Variants in KHDRBS3 observed in about 807,000 individuals in gnomAD.
The protein encoded by KHDRBS3 is KH domain-containing, RNA-binding, signal transduction-associated protein 3.
A neutral mutation model predicts 45.6 loss-of-function variants in KHDRBS3; 23 were observed. That is an observed-to-expected ratio of 0.50 (90% CI 0.36 to 0.72). The LOEUF (loss-of-function observed/expected upper bound fraction) is 0.72. KHDRBS3 is among the 30% of genes least tolerant of loss of function. The pLI, the probability that KHDRBS3 is intolerant of heterozygous loss-of-function variation, is 0.00. For synonymous variants in KHDRBS3, 162 were observed against 156.5 expected (o/e 1.04, Z -0.26); for missense variants, 352 against 424.8 (o/e 0.83, Z 1.51).
chr8:135,611,324 G>A (rs898225484), intron 7 of KHDRBS3, among the ~76,000 whole-genome samples: 8 of 151,970 alleles, frequency 5.3e-5, no homozygotes, highest in South Asian at 4.1e-4. Flanking sequence ...GCTTCAGATC[G>A]TACAGTTTAC....
At chr8:135,493,456 TGAA>T (rs999705972) in intron 1 of KHDRBS3, among the ~76,000 whole-genome samples, 3 of 152,182 alleles carry the variant, frequency 2.0e-5, no homozygotes, top group African/African-American at 7.2e-5. Context: ...TTTATTAGGT[TGAA>T]GAAGTTTCTT....
In KHDRBS3 at chr8:135,601,320, C is replaced by T. The variant is rs537624474; in HGVS notation, c.808-5635C>T. ...AAGGTAGGTGAAGCAAAAAGCAAGG[C>T]ATATTGTATGCAGCCCAGTAATGGA... On this transcript the variant is annotated intron_variant, in intron 6 of 8. Transcript: ENST00000355849. 7.2e-5 allele frequency among the ~76,000 whole-genome samples: 11 copies of T among 152,302 alleles called. No homozygotes were observed. In the South Asian group the frequency reaches 2.3e-3, roughly 32 times the overall value.
chr8:135,515,724 C>G (rs1312801996), intron 1 of KHDRBS3, among the ~76,000 whole-genome samples: 1 of 152,202 alleles, frequency 6.6e-6, no homozygotes, highest in Non-Finnish European at 1.5e-5. Flanking sequence ...GTAGCCCCAT[C>G]AGGCTACCAT....
At chr8:135,546,563 A>T (rs1046131967) in intron 3 of KHDRBS3, among the ~76,000 whole-genome samples, 1 of 152,204 alleles carries the variant, frequency 6.6e-6, no homozygotes, top group South Asian at 2.1e-4. Context: ...AGAATAAATG[A>T]TAGTGATATA....
chr8:135,521,710 C>A (rs1824918467), intron 2 of KHDRBS3, among the ~76,000 whole-genome samples: 1 of 152,060 alleles, frequency 6.6e-6, no homozygotes, highest in Non-Finnish European at 1.5e-5. Flanking sequence ...TCAAAAATAT[C>A]ATTGTTTATG....
At position 135,492,549 on chromosome 8, in the gene KHDRBS3, T is replaced by C. The variant is rs989464483; in HGVS notation, c.89-28688T>C. Among the ~76,000 whole-genome samples the C allele has an allele frequency of 3.4e-5, 5 of 148,304 alleles. No homozygotes were observed. The South Asian group carries it at 6.3e-4, about 19-fold the overall frequency. ...TATATATATATTTCCTCTAAAACCA[T>C]TTGTTAAATGAATGTATTTTCTCCA... On this transcript the variant is annotated intron_variant, in intron 1 of 8. Transcript: ENST00000355849.
chr8:135,627,682 TTAACA>T (rs1348630794), intron 7 of KHDRBS3, among the ~76,000 whole-genome samples: 1 of 152,178 alleles, frequency 6.6e-6, no homozygotes. Flanking sequence ...TCAGTGAAAG[TTAACA>T]TACGTATACA....
At chr8:135,502,530 A>T (rs1360213997) in intron 1 of KHDRBS3, among the ~76,000 whole-genome samples, 1 of 152,172 alleles carries the variant, frequency 6.6e-6, no homozygotes, top group Non-Finnish European at 1.5e-5. Context: ...TACTTTTTAT[A>T]AAAGTGCTTA....
chr8:135,591,622 GA>G (rs1828748636), intron 6 of KHDRBS3, among the ~76,000 whole-genome samples: 1 of 152,146 alleles, frequency 6.6e-6, no homozygotes, highest in Non-Finnish European at 1.5e-5. Flanking sequence ...TTCTCTTTGT[GA>G]TAAGAATAAA....
At chr8:135,629,564 G>A (rs928526135) in intron 7 of KHDRBS3, among the ~76,000 whole-genome samples, 4 of 152,200 alleles carry the variant, frequency 2.6e-5, no homozygotes, top group Non-Finnish European at 5.9e-5. Context: ...AAAACTCAGA[G>A]AGCCTTTAAT....
At chr8:135,643,019 T>A (rs545056042) in intron 7 of KHDRBS3, among the ~76,000 whole-genome samples, 19 of 152,210 alleles carry the variant, frequency 1.2e-4, no homozygotes, top group African/African-American at 4.1e-4. Flanking sequence ...GGTCTCGATC[T>A]TCTGACCTCG....
intron 7 of KHDRBS3, among the ~76,000 whole-genome samples, chr8:135,642,466 A>G (rs1222930046): frequency 6.6e-6 from 1 of 152,176 alleles, no homozygotes; most frequent in Non-Finnish European, 1.5e-5. Context: ...TTTTTCTTCT[A>G]AATTTTTTTA....
In KHDRBS3 at chr8:135,494,272, TA is replaced by T. The variant is rs1422821033; in HGVS notation, c.89-26964del. Among the ~76,000 whole-genome samples the T allele has an allele frequency of 2.0e-3, 215 of 106,482 alleles. 1 individual carries two copies. Among genetic ancestry groups the T allele is most frequent in the African/African-American group, 6.6e-3 (188 of 28,484 alleles). 69.9% of individuals were successfully genotyped at this position (106,482 alleles called of 152,430 possible). A position where few individuals can be genotyped will look rare whatever the true frequency, so the allele number is the denominator to read the frequency against. On this transcript the variant is annotated intron_variant, in intron 1 of 8. Coordinates refer to ENST00000355849, the MANE Select transcript of KHDRBS3 (RefSeq NM_006558.3). ...TTATTTTTTCCTCTTCTGTTTCTCT[TA>T]TTTTTTTTTTTTTTTTTTTTTTTGA...
At chr8:135,532,548 G>A (rs1825531026) in intron 2 of KHDRBS3, among the ~76,000 whole-genome samples, 1 of 152,140 alleles carries the variant, frequency 6.6e-6, no homozygotes, top group African/African-American at 2.4e-5. Flanking sequence ...GTAGACTTCT[G>A]TTATGTGTGT....
At chr8:135,582,697 A>G (rs1178561760) in intron 6 of KHDRBS3, among the ~76,000 whole-genome samples, 1 of 152,244 alleles carries the variant, frequency 6.6e-6, no homozygotes, top group Non-Finnish European at 1.5e-5. Context: ...ATAAGAAGCA[A>G]TGGATAGGTG....
At chr8:135,556,888 A>G (rs1471148721) in intron 4 of KHDRBS3, among the ~76,000 whole-genome samples, 1 of 152,224 alleles carries the variant, frequency 6.6e-6, no homozygotes. Context: ...GAATAAGATT[A>G]TGTGTTCAAT....
chr8:135,495,851 G>A (rs553850333), intron 1 of KHDRBS3, among the ~76,000 whole-genome samples: 14 of 152,192 alleles, frequency 9.2e-5, no homozygotes, highest in African/African-American at 2.9e-4. Context: ...TGGCCTCTCT[G>A]GAGGTAATTA....
At chr8:135,563,812 G>A (rs1827277968) in intron 5 of KHDRBS3, among the ~76,000 whole-genome samples, 1 of 152,078 alleles carries the variant, frequency 6.6e-6, no homozygotes, top group African/African-American at 2.4e-5. Flanking sequence ...CCTAACACTC[G>A]GTGGCTTCTG....
intron 1 of KHDRBS3, among the ~76,000 whole-genome samples, chr8:135,464,000 G>T (rs1279488694): frequency 6.6e-6 from 1 of 152,118 alleles, no homozygotes; most frequent in Non-Finnish European, 1.5e-5. Flanking sequence ...TTCCCTGCGT[G>T]CCTCCTTTAT....
Sources: gnomAD v4.1 joint callset for allele counts (sites outside exome capture counted in the v4.1 genomes callset) on GRCh38, gnomAD v4.1.1 for gene constraint, MANE v1.5 for transcripts, NCBI Gene and HGNC (gene_info 2026-07-23, HGNC 2026-07-21) for gene names.